Variants in FAM83F observed in about 807,000 individuals in gnomAD.
The protein encoded by FAM83F is protein FAM83F.
Under a neutral mutation model 42.9 loss-of-function variants are expected in FAM83F, and 45 were observed. That is an observed-to-expected ratio of 1.05 (90% confidence interval 0.83 to 1.35). The LOEUF (loss-of-function observed/expected upper bound fraction) is 1.35. Ranked by LOEUF, FAM83F falls within the 40% of genes most tolerant of loss-of-function variation. The probability of loss-of-function intolerance (pLI) is 0.00; values close to 1 mark genes in which losing one functional copy is unlikely to be tolerated. For synonymous variants in FAM83F, 306 were observed against 298.3 expected (o/e 1.03, Z -0.27); for missense variants, 617 against 695.9 (o/e 0.89, Z 1.28).
At position 40,036,745 on chromosome 22, in the gene FAM83F, A is replaced by G. The variant is rs2067626375; in HGVS notation, c.*7180A>G. 6.6e-6 allele frequency: 1 copy of G among 152,260 alleles called. No homozygotes were observed. The highest frequency in any genetic ancestry group is 1.5e-5 in the Non-Finnish European group (1 of 68,096). The allele number at this position is 152,260 out of a possible 1,614,324, so 9.4% of individuals were successfully genotyped here. On this transcript the variant is annotated 3_prime_UTR_variant, in exon 5 of 5. Coordinates refer to ENST00000333407, the MANE Select transcript of FAM83F (RefSeq NM_138435.4). Reference sequence around the variant, plus strand: ...AGGGGCCACAGTCCTGGTCCTGCGCAGGTGGCCCTGGAGAGAAGCCTTGGA... The same window carrying G: ...AGGGGCCACAGTCCTGGTCCTGCGCGGGTGGCCCTGGAGAGAAGCCTTGGA...
chr22:40,008,747 C>A (rs2067448755), intron 1 of FAM83F, among the ~76,000 whole-genome samples: 1 of 152,224 alleles, frequency 6.6e-6, no homozygotes, highest in Admixed American at 6.5e-5. Flanking sequence ...CACATCCCTG[C>A]TCCCAGGTGA....
chr22:40,007,537 TC>T (rs2067440905), intron 1 of FAM83F, among the ~76,000 whole-genome samples: 1 of 35,370 alleles, frequency 2.8e-5, no homozygotes, highest in Non-Finnish European at 5.4e-5. Context: ...TCTCCTCCTC[TC>T]CTCCTCCTCT....
chr22:40,020,498 G>A (rs2067513826), intron 3 of FAM83F, among the ~76,000 whole-genome samples: 1 of 151,816 alleles, frequency 6.6e-6, no homozygotes, highest in African/African-American at 2.4e-5. Context: ...TAGTAGCCGG[G>A]ATTACAGGTG....
At chr22:40,005,877 G>T (rs1044392340) in intron 1 of FAM83F, among the ~76,000 whole-genome samples, 1 of 152,204 alleles carries the variant, frequency 6.6e-6, no homozygotes, top group Non-Finnish European at 1.5e-5. Context: ...TAGCTGGGAA[G>T]CCCCAGCGGA....
intron 4 of FAM83F, among the ~76,000 whole-genome samples, chr22:40,027,593 G>T (rs929653973): frequency 2.0e-5 from 3 of 152,192 alleles, no homozygotes; most frequent in African/African-American, 2.4e-5. Flanking sequence ...CTCCCCACAC[G>T]TGGTCAGCTC....
chr22:40,036,784 C>A lies in FAM83F; in HGVS notation c.*7219C>A, dbSNP rs2067626745. ...AGAAGCCTTGGAGAACTTGGAGAAG[C>A]CCACGCGGCTGGCAGCATCATGGTG... On this transcript the variant is annotated 3_prime_UTR_variant, in exon 5 of 5. Transcript: ENST00000333407. 1 of 152,302 alleles carries A rather than the reference C, an allele frequency of 6.6e-6. No homozygotes were observed. Among genetic ancestry groups the A allele is most frequent in the South Asian group, 2.1e-4 (1 of 4,836 alleles). The allele number at this position is 152,302 out of a possible 1,614,324, so 9.4% of individuals were successfully genotyped here.
rs6001728 is a variant in FAM83F, at chr22:40,038,753, A to G, written c.*9188A>G. On this transcript the variant is annotated 3_prime_UTR_variant, in exon 5 of 5. Transcript: ENST00000333407. The stretch of plus-strand genomic sequence containing the variant: ...GGGGGCATCATAGGCAGCAGAAACC[A>G]CATGGACAAACTCTCTGCCGGAGAA... 57,279 of 157,928 alleles carry G rather than the reference A, an allele frequency of 0.36. 15,295 individuals carry two copies. The highest frequency in any genetic ancestry group is 0.76 in the African/African-American group (32,043 of 41,972). The allele number at this position is 157,928 out of a possible 1,614,324, so 9.8% of individuals were successfully genotyped here.
Position 40,008,023 on chromosome 22 carries a change from G to A in FAM83F, c.490-11145G>A, listed in dbSNP as rs537659231. Among the ~76,000 whole-genome samples, 11 of 152,334 alleles carry A rather than the reference G, an allele frequency of 7.2e-5. 2 individuals are homozygous for A. The South Asian group carries it at 2.1e-3, about 29-fold the overall frequency. ...TACTCTGGCAGCGGTTTTCTTAGCCGTGCATTGCGACATTCAGCATATGGG... is the reference window on the plus strand; with the variant it reads ...TACTCTGGCAGCGGTTTTCTTAGCCATGCATTGCGACATTCAGCATATGGG... On this transcript the variant is annotated intron_variant, in intron 1 of 4. Transcript: ENST00000333407.
At position 40,023,709 on chromosome 22, in the gene FAM83F, A is replaced by G. The variant is rs1285448574; in HGVS notation, c.1453+1746A>G. 1.3e-5 allele frequency among the ~76,000 whole-genome samples: 2 copies of G among 152,302 alleles called. No homozygotes were observed. Among genetic ancestry groups the G allele is most frequent in the South Asian group, 2.1e-4 (1 of 4,822 alleles). On this transcript the variant is annotated intron_variant, in intron 4 of 4. Transcript: ENST00000333407. The surrounding 1 kb of genome is among the most constrained non-coding windows in gnomAD (Gnocchi z 4.1). ...TCTCTGGTGTCTGCACATGGTGCCC[A>G]GGAGCCAGCCTTGCAGACACAGACG...
chr22:40,019,735 C>A, intron 2 of FAM83F, 152 bp from the exon 3 acceptor site: 3 of 1,133,536 alleles, frequency 2.6e-6, no homozygotes, highest in Non-Finnish European at 3.6e-6. Flanking sequence ...AGAGGGTTCC[C>A]TATGGAAGGC....
At chr22:40,022,004 C>T in intron 4 of FAM83F, 41 bp downstream of exon 4, 1 of 1,483,730 alleles carries the variant, frequency 6.7e-7, no homozygotes, top group Non-Finnish European at 9.0e-7. Flanking sequence ...CCCCAGGCCT[C>T]TGGCCCTCGC....
rs2067367357 is a variant in FAM83F at position 39,995,221 on chromosome 22, C to G, written c.179C>G (p.Ser60Cys). The G allele has an allele frequency of 6.5e-7, 1 of 1,532,676 alleles. No individual in the cohort carries two copies. Among genetic ancestry groups the G allele is most frequent in the Non-Finnish European group, 8.7e-7 (1 of 1,145,254 alleles). 94.9% of individuals were successfully genotyped at this position (1,532,676 alleles called of 1,614,324 possible). Reference protein sequence around the residue: ...LKEEQLRDFLSSPERQALRAA... With the variant: ...LKEEQLRDFLCSPERQALRAA... Reference sequence around the variant, plus strand: ...GAGGAGCAGCTGCGGGACTTCCTCTCCAGCCCGGAGCGCCAGGCCCTGCGG... The same window carrying G: ...GAGGAGCAGCTGCGGGACTTCCTCTGCAGCCCGGAGCGCCAGGCCCTGCGG... The change falls in exon 1 of 5, where the codon TCC becomes TGC. Residue 60 changes from serine to cysteine, a missense_variant. Coordinates refer to ENST00000333407, the MANE Select transcript of FAM83F (RefSeq NM_138435.4). This position sits in a 1 kb window ranked among gnomAD's most constrained non-coding sequence, Gnocchi z 4.6.
chr22:40,010,474 T>C (rs1461657418), intron 1 of FAM83F, among the ~76,000 whole-genome samples: 1 of 152,150 alleles, frequency 6.6e-6, no homozygotes, highest in Non-Finnish European at 1.5e-5. Flanking sequence ...CATTGTTTAA[T>C]TGGTAGTGAC....
chr22:40,017,759 A>G (rs2067499892), intron 1 of FAM83F, among the ~76,000 whole-genome samples: 1 of 152,212 alleles, frequency 6.6e-6, no homozygotes, highest in Non-Finnish European at 1.5e-5. Flanking sequence ...ATTACATGCC[A>G]GAGGTTGTGT....
Position 40,023,733 on chromosome 22 carries a change from C to T in FAM83F, c.1453+1770C>T, listed in dbSNP as rs555056429. ...CAGGAGCCAGCCTTGCAGACACAGA[C>T]GGTACCCTTGGGAAGCTCCTCTCCA... is the stretch of plus-strand genomic sequence containing the variant. On this transcript the variant is annotated intron_variant, in intron 4 of 4. Coordinates refer to ENST00000333407, the MANE Select transcript of FAM83F (RefSeq NM_138435.4). This position sits in a 1 kb window ranked among gnomAD's most constrained non-coding sequence, Gnocchi z 4.1. Among the ~76,000 whole-genome samples, 5 of 152,262 alleles carry T rather than the reference C, an allele frequency of 3.3e-5. No homozygotes were observed. The South Asian group carries it at 6.2e-4, about 19-fold the overall frequency.
rs566957587 is a variant in FAM83F at position 40,036,635 on chromosome 22, C to A, written c.*7070C>A. ...AGGCCATGGGGCTTCCCAAGCCAGGCCTGTACTCCTCATGTAGATTCCACA... is the reference window on the plus strand; with the variant it reads ...AGGCCATGGGGCTTCCCAAGCCAGGACTGTACTCCTCATGTAGATTCCACA... On this transcript the variant is annotated 3_prime_UTR_variant, in exon 5 of 5. Coordinates refer to ENST00000333407, the MANE Select transcript of FAM83F (RefSeq NM_138435.4). 2 of 152,372 alleles carry A rather than the reference C, an allele frequency of 1.3e-5. No individual in the cohort carries two copies. The highest frequency in any genetic ancestry group is 3.9e-4 in the East Asian group (2 of 5,182). The allele number at this position is 152,372 out of a possible 1,614,324, so 9.4% of individuals were successfully genotyped here.
At position 39,995,861 on chromosome 22, in the gene FAM83F, C is replaced by T. The variant is rs935986769; in HGVS notation, c.489+330C>T. Reference sequence around the variant, plus strand: ...GGGCCGAGGCCCTGTGGTTAAAATGCACCACTCAAAGGTCTTGATGATAAC... The same window carrying T: ...GGGCCGAGGCCCTGTGGTTAAAATGTACCACTCAAAGGTCTTGATGATAAC... On this transcript the variant is annotated intron_variant, in intron 1 of 4. Transcript: ENST00000333407. The surrounding 1 kb of genome is among the most constrained non-coding windows in gnomAD (Gnocchi z 4.6). 6.6e-6 allele frequency among the ~76,000 whole-genome samples: 1 copy of T among 152,248 alleles called. No homozygotes were observed. Among genetic ancestry groups the T allele is most frequent in the African/African-American group, 2.4e-5 (1 of 41,470 alleles).
In FAM83F at chr22:40,021,734, C is replaced by A; in HGVS notation, c.1224C>A (p.His408Gln). ...ATGGCAGGATGGTCTCTCACATGCA[C>A]AGAGACCTGAAGCCCAAATCCCGAG... ...QKDGRMVSHM[H>Q]RDLKPKSREA... The change falls in exon 4 of 5, where the codon CAC becomes CAA. Residue 408 changes from histidine (H) to glutamine (Q), a missense_variant. Transcript: ENST00000333407. The surrounding 1 kb of genome is among the most constrained non-coding windows in gnomAD (Gnocchi z 8.7). 1.2e-6 allele frequency: 2 copies of A among 1,613,014 alleles called. No homozygotes were observed.
chr22:40,019,049 G>A (rs2067505502), intron 1 of FAM83F, 119 bp from the exon 2 acceptor site: 9 of 1,174,572 alleles, frequency 7.7e-6, no homozygotes, highest in Non-Finnish European at 1.1e-5. Flanking sequence ...AATGGTACAG[G>A]TGGAGTTTTT....
Sources: gnomAD v4.1 joint callset for allele counts (sites outside exome capture counted in the v4.1 genomes callset) on GRCh38, gnomAD v4.1.1 for gene constraint, Gnocchi (gnomAD v3.1) non-coding constraint, MANE v1.5 for transcripts, NCBI Gene and HGNC (gene_info 2026-07-23, HGNC 2026-07-21) for gene names.